The following GRM8 variants were observed in gnomAD, a reference collection of about 807,000 sequenced individuals.
The protein encoded by GRM8 is metabotropic glutamate receptor 8.
GRM8 carries 47 observed loss-of-function variants against 87.2 expected under a neutral mutation model. That is an observed-to-expected ratio of 0.54 (90% CI 0.43 to 0.69). The LOEUF (loss-of-function observed/expected upper bound fraction) is 0.69. Among genes scored for constraint, GRM8 ranks in the 30% least tolerant of loss-of-function variants. The pLI is 0.00. For synonymous variants in GRM8, 396 were observed against 404.5 expected, an observed-to-expected ratio of 0.98 and a Z score of 0.25; for missense variants, 1,019 against 1,139.2, an observed-to-expected ratio of 0.89 and a Z score of 1.52.
At chr7:126,471,401 C>T (rs375886870) in intron 9 of GRM8, among the ~76,000 whole-genome samples, 10,353 of 152,066 alleles carry the variant, frequency 0.068, 477 homozygotes, top group African/African-American at 0.13. Flanking sequence ...TTTCAGCTTT[C>T]TATGTATGGC....
At chr7:127,047,979 C>T (rs959189414) in intron 3 of GRM8, among the ~76,000 whole-genome samples, 3 of 152,128 alleles carry the variant, frequency 2.0e-5, no homozygotes, top group African/African-American at 4.8e-5. Flanking sequence ...TTCATTTGCT[C>T]AACAAACATC....
At chr7:126,873,978 CATGA>C (rs1312782013) in intron 6 of GRM8, among the ~76,000 whole-genome samples, 3 of 152,160 alleles carry the variant, frequency 2.0e-5, no homozygotes, top group African/African-American at 7.2e-5. Context: ...TTACCCCTGC[CATGA>C]ATATTAGGAA....
At chr7:126,825,426 A>G (rs546710308) in intron 6 of GRM8, among the ~76,000 whole-genome samples, 4 of 152,256 alleles carry the variant, frequency 2.6e-5, no homozygotes, top group South Asian at 4.1e-4. Flanking sequence ...CCTTATTACT[A>G]TTGTTATACC....
intron 9 of GRM8, among the ~76,000 whole-genome samples, chr7:126,506,607 C>CT (rs896935331): frequency 1.2e-4 from 18 of 151,926 alleles, no homozygotes; most frequent in Admixed American, 7.2e-4. Flanking sequence ...TGGTAAAACC[C>CT]TTTCCCCACT....
At chr7:126,738,703 TG>T (rs1432221941) in intron 7 of GRM8, among the ~76,000 whole-genome samples, 7 of 71,892 alleles carry the variant, frequency 9.7e-5, no homozygotes, top group East Asian at 4.6e-4. Flanking sequence ...GGGGGGTGAG[TG>T]GGGGGTTGGG....
At chr7:126,568,266 A>C (rs1463092800) in intron 8 of GRM8, among the ~76,000 whole-genome samples, 1 of 152,156 alleles carries the variant, frequency 6.6e-6, no homozygotes, top group Admixed American at 6.6e-5. Context: ...GTTTAAAGTG[A>C]ACATTCAAGA....
chr7:126,523,467 C>G (rs1350669166), intron 9 of GRM8, among the ~76,000 whole-genome samples: 2 of 151,840 alleles, frequency 1.3e-5, no homozygotes, highest in Non-Finnish European at 2.9e-5. Flanking sequence ...CACAAGTCCC[C>G]TCTCTATTGT....
chr7:126,619,943 G>A (rs1292547036), intron 7 of GRM8, among the ~76,000 whole-genome samples: 1 of 151,994 alleles, frequency 6.6e-6, no homozygotes, highest in Non-Finnish European at 1.5e-5. Context: ...CTCCCTCCTT[G>A]GCCTCCCAAA....
At chr7:127,241,364 C>G (rs938454135) in intron 2 of GRM8, among the ~76,000 whole-genome samples, 2 of 152,142 alleles carry the variant, frequency 1.3e-5, no homozygotes, top group Non-Finnish European at 2.9e-5. Flanking sequence ...TGTCACAATA[C>G]CTGTCATCTG....
intron 7 of GRM8, among the ~76,000 whole-genome samples, chr7:126,648,011 G>C (rs937344010): frequency 1.3e-5 from 2 of 152,090 alleles, no homozygotes; most frequent in Non-Finnish European, 1.5e-5. Flanking sequence ...ATTCTGGCTA[G>C]CTCCTTAGCT....
intron 7 of GRM8, among the ~76,000 whole-genome samples, chr7:126,669,202 C>T (rs1472642772): frequency 6.6e-6 from 1 of 152,026 alleles, no homozygotes; most frequent in Non-Finnish European, 1.5e-5. Context: ...GGCATTAGGA[C>T]AAATACCTAA....
At chr7:126,442,020 T>C (rs962222042) in intron 10 of GRM8, among the ~76,000 whole-genome samples, 9 of 151,250 alleles carry the variant, frequency 6.0e-5, no homozygotes, top group African/African-American at 1.2e-4. Flanking sequence ...AAAAAAATCA[T>C]TGGGCCAGGT....
chr7:126,789,428 T>A (rs1462314885), intron 6 of GRM8, among the ~76,000 whole-genome samples: 1 of 152,216 alleles, frequency 6.6e-6, no homozygotes, highest in African/African-American at 2.4e-5. Context: ...TTAAAGCTTT[T>A]TATCTTTGCT....
intron 9 of GRM8, among the ~76,000 whole-genome samples, chr7:126,507,955 T>C (rs1810740270): frequency 6.6e-6 from 1 of 151,974 alleles, no homozygotes; most frequent in Admixed American, 6.6e-5. Context: ...TCCCCTCTGT[T>C]CATTTCGAAA....
intron 7 of GRM8, among the ~76,000 whole-genome samples, chr7:126,641,299 G>T (rs1802360148): frequency 6.6e-6 from 1 of 152,144 alleles, no homozygotes; most frequent in Non-Finnish European, 1.5e-5. Context: ...GAAAAAGTCT[G>T]CAAATCTGTG....
chr7:126,506,932 A>G (rs1415095061), intron 9 of GRM8, among the ~76,000 whole-genome samples: 2 of 152,162 alleles, frequency 1.3e-5, no homozygotes. Context: ...ATGCAAACTG[A>G]TATGTAAAAT....
At chr7:126,738,630 G>C (rs1477312462) in intron 7 of GRM8, among the ~76,000 whole-genome samples, 1 of 149,742 alleles carries the variant, frequency 6.7e-6, no homozygotes, top group Non-Finnish European at 1.5e-5. Flanking sequence ...TTTCTAGAGA[G>C]ATGAGAATCA....
chr7:126,981,489 A>T (rs994498205), intron 3 of GRM8, among the ~76,000 whole-genome samples: 15 of 152,206 alleles, frequency 9.9e-5, no homozygotes, highest in African/African-American at 1.7e-4. Context: ...ATGGTATCAC[A>T]TAGCGAGGAA....
chr7:126,940,311 T>TG (rs1172500441), intron 3 of GRM8, among the ~76,000 whole-genome samples: 2 of 152,210 alleles, frequency 1.3e-5, no homozygotes, highest in Non-Finnish European at 2.9e-5. Context: ...TGTTTCCTCT[T>TG]GCAGGTTTCT....
Sources: allele counts gnomAD v4.1 joint callset (sites outside exome capture counted in the v4.1 genomes callset), GRCh38; gene constraint gnomAD v4.1.1; transcripts MANE v1.5; gene names NCBI Gene and HGNC (gene_info 2026-07-23, HGNC 2026-07-21).